NPAS3: variants seen among roughly 807,000 people sequenced by gnomAD.
NPAS3 encodes the protein neuronal PAS domain protein 3.
Under a neutral mutation model 73.1 loss-of-function variants are expected in NPAS3, and 14 were observed. The ratio of observed to expected loss-of-function variants is 0.19; its 90% confidence interval spans 0.13 to 0.30. The LOEUF (loss-of-function observed/expected upper bound fraction) is 0.30, where lower values mean the gene tolerates loss of function less well. Ranked by LOEUF, NPAS3 falls within the 10% of genes least tolerant of loss-of-function variation. The probability of loss-of-function intolerance (pLI) is 1.00; values close to 1 mark genes in which losing one functional copy is unlikely to be tolerated. For synonymous variants in NPAS3, 620 were observed against 541.5 expected (o/e 1.14, Z -2.01); for missense variants, 1,096 against 1,250.0 (o/e 0.88, Z 1.86).
chr14:33,197,732 G>A (rs1258501845), intron 2 of NPAS3, among the ~76,000 whole-genome samples: 1 of 152,162 alleles, frequency 6.6e-6, no homozygotes, highest in East Asian at 1.9e-4. Flanking sequence ...ATCTTGGAGA[G>A]ATTTAACATT....
chr14:33,611,993 G>T (rs1385532198), intron 5 of NPAS3, among the ~76,000 whole-genome samples: 2 of 152,106 alleles, frequency 1.3e-5, no homozygotes, highest in African/African-American at 4.8e-5. Context: ...CGGGAAACTG[G>T]GCAGCCTGGC....
intron 3 of NPAS3, among the ~76,000 whole-genome samples, chr14:33,302,902 CCT>C (rs969375484): frequency 6.6e-6 from 1 of 151,234 alleles, no homozygotes; most frequent in African/African-American, 2.4e-5. Context: ...TGCCTATAAG[CCT>C]CTCTCTCTTT....
At chr14:32,970,512 A>G (rs1169182349) in intron 1 of NPAS3, among the ~76,000 whole-genome samples, 1 of 152,210 alleles carries the variant, frequency 6.6e-6, no homozygotes, top group African/African-American at 2.4e-5. Flanking sequence ...AATTATTAAA[A>G]ATAATTACCC....
intron 5 of NPAS3, among the ~76,000 whole-genome samples, chr14:33,672,367 CAAGTAA>C (rs1249166437): frequency 8.5e-5 from 13 of 152,180 alleles, no homozygotes; most frequent in East Asian, 1.9e-4. Context: ...AAATCAAGTA[CAAGTAA>C]AAGAAATTTT....
chr14:33,706,189 A>G (rs1022540573), intron 6 of NPAS3, among the ~76,000 whole-genome samples: 2 of 152,154 alleles, frequency 1.3e-5, no homozygotes, highest in Non-Finnish European at 2.9e-5. Context: ...CCTTCTTTAC[A>G]TCAAAATATG....
chr14:33,655,734 C>T (rs937158021), intron 5 of NPAS3, among the ~76,000 whole-genome samples: 1 of 151,882 alleles, frequency 6.6e-6, no homozygotes, highest in Non-Finnish European at 1.5e-5. Context: ...TGTTTTGTTT[C>T]GTTTCTCCTG....
chr14:33,402,738 C>A (rs1479638622), intron 4 of NPAS3, among the ~76,000 whole-genome samples: 1 of 152,166 alleles, frequency 6.6e-6, no homozygotes. Context: ...GGTATGCTTT[C>A]CCTCAATGGG....
intron 4 of NPAS3, among the ~76,000 whole-genome samples, chr14:33,484,970 T>A (rs532042379): frequency 2.0e-5 from 3 of 152,182 alleles, no homozygotes; most frequent in Non-Finnish European, 4.4e-5. Flanking sequence ...CAGTTGCTTT[T>A]ATTAAAAGGA....
At chr14:33,089,358 G>T (rs2042145757) in intron 2 of NPAS3, among the ~76,000 whole-genome samples, 1 of 152,224 alleles carries the variant, frequency 6.6e-6, no homozygotes, top group Non-Finnish European at 1.5e-5. Flanking sequence ...GAATGCACAA[G>T]CCTCAGTAGC....
chr14:32,938,960 C>T (rs1182477616), upstream of NPAS3, among the ~76,000 whole-genome samples: 4 of 146,106 alleles, frequency 2.7e-5, no homozygotes, highest in African/African-American at 9.8e-5. Flanking sequence ...GCATGGACGG[C>T]GGCGGCGCCG....
intron 4 of NPAS3, among the ~76,000 whole-genome samples, chr14:33,545,125 T>C (rs2054780220): frequency 6.6e-6 from 1 of 151,972 alleles, no homozygotes; most frequent in Admixed American, 6.6e-5. Context: ...TCTCCAAACT[T>C]GTTTTTTTGA....
intron 2 of NPAS3, among the ~76,000 whole-genome samples, chr14:33,130,571 A>G (rs569709461): frequency 6.6e-6 from 1 of 152,288 alleles, no homozygotes; most frequent in Non-Finnish European, 1.5e-5. Flanking sequence ...CTAATTTTGT[A>G]ATCACATTGT....
In NPAS3 at chr14:33,712,346, C is replaced by T. The variant is rs556453025; in HGVS notation, c.734-22868C>T. On this transcript the variant is annotated intron_variant, in intron 6 of 11. Transcript: ENST00000356141. ...GATCTGTATTCTATAATAACACACA[C>T]GCATTCAAGTGGCATCTGCTATGAA... Among the ~76,000 whole-genome samples the T allele has an allele frequency of 3.6e-4, 55 of 152,290 alleles. 1 individual carries two copies. The highest frequency in any genetic ancestry group is 1.2e-3 in the African/African-American group (49 of 41,556).
intron 2 of NPAS3, among the ~76,000 whole-genome samples, chr14:33,207,311 C>G (rs541603975): frequency 2.0e-5 from 3 of 151,146 alleles, no homozygotes; most frequent in African/African-American, 7.3e-5. Flanking sequence ...ATTCACAAAT[C>G]GCATGCAGTT....
chr14:33,680,842 G>C (rs1473730057), intron 6 of NPAS3: 1 of 549,048 alleles, frequency 1.8e-6, no homozygotes, highest in Non-Finnish European at 3.2e-6. Context: ...CTAACCCATT[G>C]GTTGTGTAAA....
At chr14:32,987,076 T>G (rs1039818266) in intron 1 of NPAS3, among the ~76,000 whole-genome samples, 2 of 152,166 alleles carry the variant, frequency 1.3e-5, no homozygotes, top group Non-Finnish European at 2.9e-5. Context: ...CATGAAACTA[T>G]AGCTAACTTC....
At chr14:33,362,740 T>G (rs181842986) in intron 3 of NPAS3, among the ~76,000 whole-genome samples, 179 of 152,206 alleles carry the variant, frequency 1.2e-3, no homozygotes, top group African/African-American at 3.6e-3. Context: ...CTGCCGAACT[T>G]TAAGACTACA....
intron 4 of NPAS3, among the ~76,000 whole-genome samples, chr14:33,557,473 G>A (rs542816405): frequency 6.6e-6 from 1 of 152,266 alleles, no homozygotes; most frequent in South Asian, 2.1e-4. Context: ...CTGCCTCTTA[G>A]GGTAAATATT....
rs1018192991 is a variant in NPAS3, at chr14:33,139,850, A to G, written c.141-75332A>G. Among the ~76,000 whole-genome samples, 3 of 152,208 alleles carry G rather than the reference A, an allele frequency of 2.0e-5. No homozygotes were observed. The East Asian group carries it at 5.8e-4, about 29-fold the overall frequency. ...ATTATCACAGAAAGTTCTACTGGAC[A>G]GAACTGATTGAATGTAGTCTCAGAT... is the stretch of plus-strand genomic sequence containing the variant. On this transcript the variant is annotated intron_variant, in intron 2 of 11. Transcript: ENST00000356141.
Sources: allele counts gnomAD v4.1 joint callset (sites outside exome capture counted in the v4.1 genomes callset), GRCh38; gene constraint gnomAD v4.1.1; transcripts MANE v1.5; gene names NCBI Gene and HGNC (gene_info 2026-07-23, HGNC 2026-07-21).